CFAP46: variants seen among roughly 807,000 people sequenced by gnomAD.
CFAP46 encodes cilia and flagella associated protein 46.
Under a neutral mutation model 325.7 loss-of-function variants are expected in CFAP46, and 245 were observed. The observed-to-expected ratio is 0.75, with a 90% CI of 0.68 to 0.84. The LOEUF (loss-of-function observed/expected upper bound fraction) is 0.84. CFAP46 is among the 40% of genes least tolerant of loss of function. The pLI is 0.00. For missense variants in CFAP46, 3,346 were observed against 3,543.0 expected (o/e 0.94, Z 1.41); for synonymous variants, 1,523 against 1,495.9 (o/e 1.02, Z -0.42).
chr10:132,814,593 C>T lies in CFAP46; in HGVS notation c.7269G>A (p.Glu2423=). The change falls in exon 53 of 58, where the codon GAG becomes GAA. Residue 2423 remains glutamate (E), a synonymous_variant. Transcript: ENST00000368586. ...DNFKFVVDPY[E]EAQGPEMLTP... ...AGCACCCACCTGGGCCCTGGGCCTC[C>T]TCGTATGGGTCCACGACGACTGGGT... The T allele has an allele frequency of 1.3e-6, 2 of 1,570,662 alleles. No individual in the cohort carries two copies. The highest frequency in any genetic ancestry group is 8.6e-7 in the Non-Finnish European group (1 of 1,158,416).
At chr10:132,895,155 G>A (rs1056114643) in intron 24 of CFAP46, among the ~76,000 whole-genome samples, 3 of 152,206 alleles carry the variant, frequency 2.0e-5, no homozygotes, top group African/African-American at 7.2e-5. Context: ...CTCACTGTGT[G>A]CAGATCAGTC....
chr10:132,913,197 C>T lies in CFAP46; in HGVS notation c.2182G>A (p.Gly728Arg), dbSNP rs978324137. Reference protein sequence around the residue: ...MNNWLRSAEIGQEIQEAWIVQ... With the variant: ...MNNWLRSAEIRQEIQEAWIVQ... Reference sequence around the variant, plus strand: ...ATCCACGCCTCCTGGATCTCCTGTCCGATCTCTGCGGAGCGCAGCCAGTTA... The same window carrying T: ...ATCCACGCCTCCTGGATCTCCTGTCTGATCTCTGCGGAGCGCAGCCAGTTA... The change falls in exon 18 of 58, where the codon GGA (glycine) becomes AGA (arginine). Residue 728 changes from glycine to arginine, a missense_variant. Physicochemically the swap from Gly to Arg is moderately radical, Grantham distance 125. Coordinates refer to ENST00000368586, the MANE Select transcript of CFAP46 (RefSeq NM_001200049.3). The T allele has an allele frequency of 1.7e-5, 26 of 1,550,346 alleles. No individual in the cohort carries two copies. The highest frequency in any genetic ancestry group is 7.3e-5 in the East Asian group (3 of 40,932).
chr10:132,912,895 G>T, intron 18 of CFAP46, 75 bp from the exon 19 acceptor site: 1 of 1,520,910 alleles, frequency 6.6e-7, no homozygotes, highest in Non-Finnish European at 8.8e-7. Context: ...GAGTCCTCAG[G>T]TCACGGTAAG....
In CFAP46 at chr10:132,877,688, A is replaced by G. The variant is rs890875042; in HGVS notation, c.4212+193T>C. On this transcript the variant is annotated intron_variant, in intron 30 of 57. Transcript: ENST00000368586. The surrounding 1 kb of genome is among the most constrained non-coding windows in gnomAD (Gnocchi z 5.7). ...GAGGCACAGAGGCCAGCCGGGGCCC[A>G]GCCTCTGCACTGAGGCCACCTGGGG... 1.3e-5 allele frequency among the ~76,000 whole-genome samples: 2 copies of G among 151,122 alleles called. No homozygotes were observed. Among genetic ancestry groups the G allele is most frequent in the Non-Finnish European group, 3.0e-5 (2 of 67,780 alleles).
chr10:132,839,375 A>C (rs917236871), intron 44 of CFAP46, among the ~76,000 whole-genome samples: 2 of 152,172 alleles, frequency 1.3e-5, no homozygotes, highest in Admixed American at 6.5e-5. Context: ...CCAGGCTAAG[A>C]CCTCACCGGA....
intron 10 of CFAP46, 34 bp downstream of exon 10, chr10:132,926,534 A>T: frequency 6.9e-7 from 1 of 1,449,148 alleles, no homozygotes; most frequent in East Asian, 2.5e-5. Context: ...CTGCAAAATA[A>T]TGCCAGGTGT....
chr10:132,857,077 G>A (rs970514095), intron 39 of CFAP46, among the ~76,000 whole-genome samples: 5 of 152,212 alleles, frequency 3.3e-5, no homozygotes, highest in East Asian at 3.8e-4. Flanking sequence ...TTTCCAATCC[G>A]GCTGGTGAAG....
chr10:132,927,412 G>A (rs553934929), intron 9 of CFAP46, among the ~76,000 whole-genome samples: 4 of 148,526 alleles, frequency 2.7e-5, no homozygotes, highest in South Asian at 2.1e-4. Context: ...CCTCCGTCCC[G>A]GGGAGCAGGT....
At position 132,860,642 on chromosome 10, in the gene CFAP46, G is replaced by A. The variant is rs543024535; in HGVS notation, c.5092-119C>T. On this transcript the variant is annotated intron_variant, in intron 36 of 57. Coordinates refer to ENST00000368586, the MANE Select transcript of CFAP46 (RefSeq NM_001200049.3). The stretch of plus-strand genomic sequence containing the variant: ...TGAGGACAGGCGGGGGTAGATACGG[G>A]TGTGTCTGAGGGTGGGGCAGGGATG... 3.5e-5 allele frequency: 41 copies of A among 1,178,730 alleles called. No homozygotes were observed. The African/African-American group carries it at 6.2e-4, about 18-fold the overall frequency. The allele number at this position is 1,178,730 out of a possible 1,614,324, so 73.0% of individuals were successfully genotyped here.
chr10:132,877,094 C>G lies in CFAP46; in HGVS notation c.4213-133G>C. 2 of 830,448 alleles carry G rather than the reference C, an allele frequency of 2.4e-6. No individual in the cohort carries two copies. Among genetic ancestry groups the G allele is most frequent in the Non-Finnish European group, 3.7e-6 (2 of 535,310 alleles). 51.4% of individuals were successfully genotyped at this position (830,448 alleles called of 1,614,324 possible). A position where few individuals can be genotyped will look rare whatever the true frequency, so the allele number is the denominator to read the frequency against. On this transcript the variant is annotated intron_variant, in intron 30 of 57. Transcript: ENST00000368586. The surrounding 1 kb of genome is among the most constrained non-coding windows in gnomAD (Gnocchi z 5.7). ...GCCGGCATCCTCCCCACCACCAGGT[C>G]CCAGCGAGTGCCCAGATCCAGCCTC... is the stretch of plus-strand genomic sequence containing the variant.
At chr10:132,907,701 T>G (rs1849476085) in intron 22 of CFAP46, among the ~76,000 whole-genome samples, 1 of 152,300 alleles carries the variant, frequency 6.6e-6, no homozygotes, top group African/African-American at 2.4e-5. Context: ...ATTCCCATGC[T>G]GGGCGATCCT....
chr10:132,931,680 T>C (rs538887018), intron 8 of CFAP46, among the ~76,000 whole-genome samples: 4 of 100,446 alleles, frequency 4.0e-5, no homozygotes, highest in East Asian at 3.5e-4. Context: ...GCCTGGGCCT[T>C]CTTCCTCCCC....
chr10:132,856,811 T>G (rs1416025267), intron 39 of CFAP46, among the ~76,000 whole-genome samples: 3 of 152,252 alleles, frequency 2.0e-5, no homozygotes, highest in African/African-American at 7.2e-5. Flanking sequence ...ACGGCAATAT[T>G]TTATCGGTTG....
intron 28 of CFAP46, among the ~76,000 whole-genome samples, chr10:132,880,246 C>G (rs1849019984): frequency 6.6e-6 from 1 of 152,214 alleles, no homozygotes; most frequent in African/African-American, 2.4e-5. Context: ...GAGTTTCTGC[C>G]CCGGGTCACC....
intron 31 of CFAP46, among the ~76,000 whole-genome samples, chr10:132,875,899 G>C (rs1189933649): frequency 1.3e-5 from 2 of 152,196 alleles, no homozygotes; most frequent in African/African-American, 4.8e-5. Flanking sequence ...ACTAATCCCT[G>C]TTCCCAAAAA....
intron 24 of CFAP46, chr10:132,898,436 C>T (rs1849346293): frequency 7.5e-6 from 2 of 266,840 alleles, no homozygotes; most frequent in South Asian, 8.6e-5. Flanking sequence ...AGGAGGTGCA[C>T]TCTTGGGTCC....
rs1491248916 is a variant in CFAP46 at position 132,913,814 on chromosome 10, G to GA, written c.2121-557_2121-556insT. ...TCCTGTGGGGGCTGCATGGGGCAGAGCGTCTCTGCCCCACCCCTCCACCCA... is the reference window on the plus strand; with the variant it reads ...TCCTGTGGGGGCTGCATGGGGCAGAGACGTCTCTGCCCCACCCCTCCACCCA... On this transcript the variant is annotated intron_variant, in intron 17 of 57. Coordinates refer to ENST00000368586, the MANE Select transcript of CFAP46 (RefSeq NM_001200049.3). 2.8e-4 allele frequency among the ~76,000 whole-genome samples: 29 copies of GA among 103,822 alleles called. No homozygotes were observed. The East Asian group carries it at 5.5e-3, about 20-fold the overall frequency. The allele number at this position is 103,822 out of a possible 152,430, so 68.1% of individuals were successfully genotyped here.
chr10:132,864,519 C>CA (rs1848779767), intron 35 of CFAP46, among the ~76,000 whole-genome samples: 1 of 143,412 alleles, frequency 7.0e-6, no homozygotes, highest in African/African-American at 2.6e-5. Context: ...CACACCTGCC[C>CA]CCCTGCCTGA....
At chr10:132,841,067 G>A (rs1194008588) in intron 44 of CFAP46, among the ~76,000 whole-genome samples, 1 of 152,132 alleles carries the variant, frequency 6.6e-6, no homozygotes, top group African/African-American at 2.4e-5. Flanking sequence ...GTTTTGGAGG[G>A]AACATTCAAA....
Sources: allele counts gnomAD v4.1 joint callset (sites outside exome capture counted in the v4.1 genomes callset), GRCh38; gene constraint gnomAD v4.1.1; non-coding constraint Gnocchi (gnomAD v3.1); transcripts MANE v1.5; gene names NCBI Gene and HGNC (gene_info 2026-07-23, HGNC 2026-07-21).